TRIP6: variants seen among roughly 807,000 people sequenced by gnomAD.
TRIP6 encodes the protein thyroid hormone receptor interactor 6, also known as thyroid receptor-interacting protein 6.
In TRIP6, 33 loss-of-function variants were observed where a neutral mutation model predicts 51.9. The observed-to-expected ratio is 0.64, with a 90% CI of 0.48 to 0.85. TRIP6 has a LOEUF of 0.85. TRIP6 is among the 40% of genes least tolerant of loss of function. The probability of loss-of-function intolerance (pLI) is 0.00; values close to 1 mark genes in which losing one functional copy is unlikely to be tolerated. For missense variants in TRIP6, 661 were observed against 652.1 expected, an observed-to-expected ratio of 1.01 and a Z score of -0.15; for synonymous variants, 255 against 275.8, an observed-to-expected ratio of 0.92 and a Z score of 0.75.
At chr7:100,868,393 A>G (rs1042863100) in intron 3 of TRIP6, 102 bp from the exon 4 acceptor site, 176 of 1,590,110 alleles carry the variant, frequency 1.1e-4, no homozygotes, top group Non-Finnish European at 1.4e-4. Context: ...ACCTTGTCAA[A>G]TGCAAAAAGC....
chr7:100,868,539 G>A lies in TRIP6; in HGVS notation c.408G>A (p.Leu136=), dbSNP rs1815197493. The part of the protein sequence containing the change: ...PPPPAYRTGS[L]KPNPASPLPA... ...CTCCTGCCTACCGCACGGGCTCCCT[G>A]AAGCCAAATCCAGCCTCGCCGCTCC... The change falls in exon 4 of 9, where the codon CTG becomes CTA. Residue 136 remains leucine (L), a synonymous_variant. Transcript: ENST00000200457. The A allele has an allele frequency of 1.2e-6, 2 of 1,612,958 alleles. No individual in the cohort carries two copies. The highest frequency in any genetic ancestry group is 1.7e-5 in the Admixed American group (1 of 60,006).
intron 6 of TRIP6, among the ~76,000 whole-genome samples, 195 bp from the exon 7 acceptor site, chr7:100,871,348 T>G (rs1049017827): frequency 2.6e-5 from 4 of 152,202 alleles, no homozygotes; most frequent in African/African-American, 9.6e-5. Context: ...TTCCTGTTTT[T>G]CTCATAGTGT....
Position 100,870,792 on chromosome 7 carries a change from G to C in TRIP6, c.999+49G>C, listed in dbSNP as rs779156084. On this transcript the variant is annotated intron_variant, in intron 6 of 8. Coordinates refer to ENST00000200457, the MANE Select transcript of TRIP6 (RefSeq NM_003302.3). ...GGGAGTCAGTGGCTGGATGCAGGGG[G>C]CTTCCATCCAAGGTGGTAACTAGAG... The C allele has an allele frequency of 4.4e-6, 7 of 1,574,280 alleles. No homozygotes were observed. The South Asian group carries it at 8.2e-5, about 18-fold the overall frequency.
chr7:100,870,275 C>A, intron 4 of TRIP6, 95 bp from the exon 5 acceptor site: 1 of 1,270,528 alleles, frequency 7.9e-7, no homozygotes, highest in Non-Finnish European at 1.1e-6. Context: ...TGCTGTGTGG[C>A]CCAGTTCCTA....
At position 100,872,740 on chromosome 7, in the gene TRIP6, G is replaced by A; in HGVS notation, c.1295G>A (p.Cys432Tyr). ...DRSFHIGCYK[C>Y]EECGLLLSSE... ...AGTTTTCACATTGGCTGTTACAAGT[G>A]CGAGGTCAGGGGCCCCCAGCACGTG... The change falls in exon 8 of 9, where the codon TGC becomes TAC. Residue 432 changes from cysteine to tyrosine, a missense_variant. Transcript: ENST00000200457. The A allele has an allele frequency of 6.2e-7, 1 of 1,614,106 alleles. No individual in the cohort carries two copies. Among genetic ancestry groups the A allele is most frequent in the Non-Finnish European group, 8.5e-7 (1 of 1,179,986 alleles).
In TRIP6 at chr7:100,867,417, C is replaced by G; in HGVS notation, c.-81C>G. 9.4e-7 allele frequency: 1 copy of G among 1,068,482 alleles called. No individual in the cohort carries two copies. The highest frequency in any genetic ancestry group is 1.3e-6 in the Non-Finnish European group (1 of 783,280). 66.2% of individuals were successfully genotyped at this position (1,068,482 alleles called of 1,614,324 possible). A position where few individuals can be genotyped will look rare whatever the true frequency, so the allele number is the denominator to read the frequency against. The stretch of plus-strand genomic sequence containing the variant: ...AAGTTTTCTTTTCTGGAGTCCCAAA[C>G]GAGGTGCGGGACGGAAGAGGGGGTG... On this transcript the variant is annotated 5_prime_UTR_variant, in exon 1 of 9. Coordinates refer to ENST00000200457, the MANE Select transcript of TRIP6 (RefSeq NM_003302.3). This position sits in a 1 kb window ranked among gnomAD's most constrained non-coding sequence, Gnocchi z 5.4.
chr7:100,872,351 T>C (rs1194739777), intron 7 of TRIP6, among the ~76,000 whole-genome samples: 1 of 152,104 alleles, frequency 6.6e-6, no homozygotes, highest in Admixed American at 6.6e-5. Flanking sequence ...TGTATTTTAA[T>C]AAAGACAGCG....
chr7:100,870,405 T>A lies in TRIP6; in HGVS notation c.771T>A (p.Asp257Glu), dbSNP rs1393305943. The change falls in exon 5 of 9, where the codon GAT (aspartate) becomes GAA (glutamate). Residue 257 changes from aspartate to glutamate, a missense_variant. Physicochemically the swap from Asp to Glu is conservative, Grantham distance 45. Coordinates refer to ENST00000200457, the MANE Select transcript of TRIP6 (RefSeq NM_003302.3). ...GCCAGCCTCCAGAGGATGAGCTGGATAGGCTGACGAAGAAGCTGGTTCACG... is the reference window on the plus strand; with the variant it reads ...GCCAGCCTCCAGAGGATGAGCTGGAAAGGCTGACGAAGAAGCTGGTTCACG... ...PLSQPPEDEL[D>E]RLTKKLVHDM... 1 of 1,612,564 alleles carries A rather than the reference T, an allele frequency of 6.2e-7. No homozygotes were observed. The highest frequency in any genetic ancestry group is 8.5e-7 in the Non-Finnish European group (1 of 1,180,014).
intron 7 of TRIP6, 106 bp downstream of exon 7, chr7:100,871,827 T>A: frequency 7.2e-7 from 1 of 1,383,376 alleles, no homozygotes; most frequent in Non-Finnish European, 9.7e-7. Context: ...CTGGCCCTCC[T>A]TCGTTCTTTG....
intron 4 of TRIP6, among the ~76,000 whole-genome samples, chr7:100,869,925 C>T (rs1024750573): frequency 8.6e-5 from 13 of 151,338 alleles, no homozygotes; most frequent in South Asian, 4.2e-4. Flanking sequence ...ATAATTGTTT[C>T]GGTATATATT....
In TRIP6 at chr7:100,870,688, G is replaced by A. The variant is rs1322116252; in HGVS notation, c.944G>A (p.Arg315His). 9.3e-6 allele frequency: 15 copies of A among 1,613,978 alleles called. No homozygotes were observed. The highest frequency in any genetic ancestry group is 2.2e-5 in the East Asian group (1 of 44,890). Reference protein sequence around the residue: ...FVCSTCRAQLRGQHFYAVERR... With the variant: ...FVCSTCRAQLHGQHFYAVERR... ...TGTTCTACATGCCGGGCCCAGCTTCGCGGCCAGCATTTCTACGCCGTGGAG... is the reference window on the plus strand; with the variant it reads ...TGTTCTACATGCCGGGCCCAGCTTCACGGCCAGCATTTCTACGCCGTGGAG... The change falls in exon 6 of 9, where the codon CGC becomes CAC. Residue 315 changes from arginine to histidine, a missense_variant. Physicochemically the swap from Arg to His is conservative, Grantham distance 29. Transcript: ENST00000200457.
chr7:100,868,810 G>C lies in TRIP6; in HGVS notation c.679G>C (p.Ala227Pro), dbSNP rs775257075. ...REPGPGAKEE[A>P]AGVSGPAGRG... ...GCCAGGGCCAGGGGCCAAAGAGGAA[G>C]CTGCTGGGGTCTCTGGCCCTGCAGG... The change falls in exon 4 of 9, where the codon GCT becomes CCT. Residue 227 changes from alanine to proline, a missense_variant. Coordinates refer to ENST00000200457, the MANE Select transcript of TRIP6 (RefSeq NM_003302.3). 1.8e-5 allele frequency: 27 copies of C among 1,523,614 alleles called. No individual in the cohort carries two copies. The highest frequency in any genetic ancestry group is 2.2e-5 in the Non-Finnish European group (25 of 1,140,656). 94.4% of individuals were successfully genotyped at this position (1,523,614 alleles called of 1,614,324 possible).
At position 100,870,635 on chromosome 7, in the gene TRIP6, T is replaced by C. The variant is rs141927859; in HGVS notation, c.891T>C (p.Asp297=). The C allele has an allele frequency of 2.1e-5, 34 of 1,613,976 alleles. No individual in the cohort carries two copies. Among genetic ancestry groups the C allele is most frequent in the Non-Finnish European group, 2.9e-5 (34 of 1,180,012 alleles). The stretch of plus-strand genomic sequence containing the variant: ...ATGGGGCTGGGGTTGTGGCCCTTGA[T>C]CGCGTCTTTCACGTGGGCTGCTTTG... ...VGDGAGVVAL[D]RVFHVGCFVC... The change falls in exon 6 of 9, where the codon GAT becomes GAC. Residue 297 remains aspartate, a synonymous_variant. Transcript: ENST00000200457.
At position 100,871,651 on chromosome 7, in the gene TRIP6, C is replaced by T. The variant is rs774097015; in HGVS notation, c.1108C>T (p.Arg370Cys). The change falls in exon 7 of 9, where the codon CGC becomes TGC. Residue 370 changes from arginine (R) to cysteine (C), a missense_variant. Transcript: ENST00000200457. ...CTGCTTCACCTGCGTGGTGTGTCAC[C>T]GCGGCCTCGACGGCATCCCCTTCAC... The part of the protein sequence containing the change: ...PGCFTCVVCH[R>C]GLDGIPFTVD... 33 of 1,613,994 alleles carry T rather than the reference C, an allele frequency of 2.0e-5. No homozygotes were observed. The highest frequency in any genetic ancestry group is 1.3e-4 in the East Asian group (6 of 44,884).
In TRIP6 at chr7:100,867,704, C is replaced by T. The variant is rs1423122670; in HGVS notation, c.109+98C>T. ...CCGCCCTGGCTGCTTCCTCCTGCCC[C>T]TTCCCCAAGCCGAGGCGGGGGGAAC... On this transcript the variant is annotated intron_variant, in intron 1 of 8. Transcript: ENST00000200457. This position sits in a 1 kb window ranked among gnomAD's most constrained non-coding sequence, Gnocchi z 5.4. 3.3e-6 allele frequency: 5 copies of T among 1,529,066 alleles called. No homozygotes were observed. Among genetic ancestry groups the T allele is most frequent in the Non-Finnish European group, 4.4e-6 (5 of 1,132,622 alleles). The allele number at this position is 1,529,066 out of a possible 1,614,324, so 94.7% of individuals were successfully genotyped here.
rs1815209141 is a variant in TRIP6 at position 100,868,869 on chromosome 7, G to A, written c.735+3G>A. The A allele has an allele frequency of 8.0e-6, 12 of 1,494,320 alleles. No individual in the cohort carries two copies. The highest frequency in any genetic ancestry group is 1.4e-5 in the African/African-American group (1 of 70,076). The allele number at this position is 1,494,320 out of a possible 1,614,324, so 92.6% of individuals were successfully genotyped here. Reference sequence around the variant, plus strand: ...GAGGAGGCGAGCACGGGCCCCAGGTGAGCCCTGGGGAACTGGGATTTCAGG... The same window carrying A: ...GAGGAGGCGAGCACGGGCCCCAGGTAAGCCCTGGGGAACTGGGATTTCAGG... On this transcript the variant is annotated splice_donor_region_variant and intron_variant, in intron 4 of 8. Coordinates refer to ENST00000200457, the MANE Select transcript of TRIP6 (RefSeq NM_003302.3).
chr7:100,868,811 C>T lies in TRIP6; in HGVS notation c.680C>T (p.Ala227Val). 2 of 1,524,108 alleles carry T rather than the reference C, an allele frequency of 1.3e-6. No individual in the cohort carries two copies. Among genetic ancestry groups the T allele is most frequent in the Non-Finnish European group, 1.8e-6 (2 of 1,141,146 alleles). The allele number at this position is 1,524,108 out of a possible 1,614,324, so 94.4% of individuals were successfully genotyped here. The part of the protein sequence containing the change: ...REPGPGAKEE[A>V]AGVSGPAGRG... ...CCAGGGCCAGGGGCCAAAGAGGAAG[C>T]TGCTGGGGTCTCTGGCCCTGCAGGA... Residue 227 changes from alanine to valine, a missense_variant, in exon 4 of 9, where the codon GCT (alanine) becomes GTT (valine). Coordinates refer to ENST00000200457, the MANE Select transcript of TRIP6 (RefSeq NM_003302.3).
At chr7:100,868,959 T>A in intron 4 of TRIP6, 93 bp downstream of exon 4, 1 of 1,384,512 alleles carries the variant, frequency 7.2e-7, no homozygotes, top group Non-Finnish European at 9.4e-7. Context: ...GCTTTTTTGT[T>A]TTTTGAGACA....
chr7:100,871,635 C>T lies in TRIP6; in HGVS notation c.1092C>T (p.Thr364=). Residue 364 remains threonine (T), a synonymous_variant, in exon 7 of 9, where the codon ACC becomes ACT. Transcript: ENST00000200457. ...MGKAYHPGCF[T]CVVCHRGLDG... ...AGGCCTACCACCCTGGCTGCTTCAC[C>T]TGCGTGGTGTGTCACCGCGGCCTCG... is the stretch of plus-strand genomic sequence containing the variant. 1.9e-6 allele frequency: 3 copies of T among 1,614,138 alleles called. No individual in the cohort carries two copies. Among genetic ancestry groups the T allele is most frequent in the South Asian group, 2.2e-5 (2 of 91,092 alleles).
Sources: allele counts gnomAD v4.1 joint callset (sites outside exome capture counted in the v4.1 genomes callset), GRCh38; gene constraint gnomAD v4.1.1; non-coding constraint Gnocchi (gnomAD v3.1); transcripts MANE v1.5; gene names NCBI Gene and HGNC (gene_info 2026-07-23, HGNC 2026-07-21).